The following RNF103 variants were observed in gnomAD, a reference collection of about 807,000 sequenced individuals.
RNF103 encodes the protein ring finger protein 103, also known as E3 ubiquitin-protein ligase RNF103.
Under a neutral mutation model 66.2 loss-of-function variants are expected in RNF103, and 23 were observed. The observed-to-expected ratio is 0.35, with a 90% CI of 0.25 to 0.49. RNF103 has a LOEUF of 0.49. Ranked by LOEUF, RNF103 falls within the 20% of genes least tolerant of loss-of-function variation. The pLI, the probability that RNF103 is intolerant of heterozygous loss-of-function variation, is 0.98. For synonymous variants in RNF103, 297 were observed against 289.9 expected, an observed-to-expected ratio of 1.02 and a Z score of -0.25; for missense variants, 730 against 814.7, an observed-to-expected ratio of 0.90 and a Z score of 1.27.
chr2:86,605,503 C>T, intron 3 of RNF103, 85 bp from the exon 4 acceptor site: 1 of 1,384,338 alleles, frequency 7.2e-7, no homozygotes, highest in East Asian at 2.4e-5. Context: ...AGCACCTCAC[C>T]CCAAAGCCAA....
At chr2:86,610,583 TTATA>T (rs1446123029) in intron 3 of RNF103, among the ~76,000 whole-genome samples, 7 of 152,198 alleles carry the variant, frequency 4.6e-5, no homozygotes, top group Non-Finnish European at 1.0e-4. Context: ...GCATTCAACT[TTATA>T]TATTTTTAAA....
chr2:86,623,559 G>A lies in RNF103; in HGVS notation c.-673C>T, dbSNP rs1182971285. ...GCGGCGGGCACGGCGGCGGCTCCAG[G>A]TTCGCTCGGGCCGGCTGGCGGGCGG... On this transcript the variant is annotated 5_prime_UTR_variant, in exon 1 of 4. Transcript: ENST00000237455. The A allele has an allele frequency of 2.0e-6, 2 of 994,576 alleles. No homozygotes were observed. The highest frequency in any genetic ancestry group is 1.7e-5 in the African/African-American group (1 of 57,148). The allele number at this position is 994,576 out of a possible 1,614,324, so 61.6% of individuals were successfully genotyped here.
At position 86,603,561 on chromosome 2, in the gene RNF103, G is replaced by A. The variant is rs554442784; in HGVS notation, c.*282C>T. On this transcript the variant is annotated 3_prime_UTR_variant, in exon 4 of 4. Transcript: ENST00000237455. ...TTAGAATTTGATCCTATCTTGTAAA[G>A]TCTTGCTAGGATAAATTTCTATAAT... 49 of 401,502 alleles carry A rather than the reference G, an allele frequency of 1.2e-4. 1 individual carries two copies. In the South Asian group the frequency reaches 1.8e-3, roughly 15 times the overall value. The allele number at this position is 401,502 out of a possible 1,614,324, so 24.9% of individuals were successfully genotyped here. A position where few individuals can be genotyped will look rare whatever the true frequency, so the allele number is the denominator to read the frequency against.
At chr2:86,606,639 G>A (rs1250127512) in intron 3 of RNF103, among the ~76,000 whole-genome samples, 1 of 140,604 alleles carries the variant, frequency 7.1e-6, no homozygotes, top group Non-Finnish European at 1.5e-5. Flanking sequence ...CTCCAGCCTG[G>A]GCGACAGAGC....
At chr2:86,615,520 T>TTATATATATATATATATATATATA (rs4019180) in intron 2 of RNF103, among the ~76,000 whole-genome samples, 252 of 142,174 alleles carry the variant, frequency 1.8e-3, no homozygotes, top group East Asian at 4.0e-3. Context: ...TACATATGCC[T>TTATATATATATATATATATATATA]TATATATATA....
intron 3 of RNF103, among the ~76,000 whole-genome samples, chr2:86,607,348 TG>T (rs1017381068): frequency 6.6e-5 from 10 of 152,318 alleles, no homozygotes; most frequent in South Asian, 2.1e-4. Context: ...AGCATATGGC[TG>T]TATAATGATA....
intron 3 of RNF103, among the ~76,000 whole-genome samples, chr2:86,607,648 C>T (rs149499434): frequency 7.8e-4 from 119 of 152,328 alleles, no homozygotes; most frequent in African/African-American, 2.8e-3. Flanking sequence ...GACATGAATT[C>T]TATTTTTACC....
chr2:86,617,477 T>C (rs1679064669), intron 2 of RNF103: 1 of 443,024 alleles, frequency 2.3e-6, no homozygotes, highest in African/African-American at 2.2e-5. Flanking sequence ...TTAGTTGTTG[T>C]TGTTACTGTG....
chr2:86,622,838 C>T lies in RNF103; in HGVS notation c.49G>A (p.Val17Ile), dbSNP rs370597658. ...ATGGCCTCAAAAAACCTGGCCAGGACGAACAGGACCAGGAAATAGAGGAGC... is the reference window on the plus strand; with the variant it reads ...ATGGCCTCAAAAAACCTGGCCAGGATGAACAGGACCAGGAAATAGAGGAGC... ...FLLLYFLVLFVLARFFEAIVW... is the reference protein window; with the variant it reads ...FLLLYFLVLFILARFFEAIVW... The change falls in exon 1 of 4, where the codon GTC (valine) becomes ATC (isoleucine). Residue 17 changes from valine (V) to isoleucine (I), a missense_variant. Around this residue, in one of 3 missense-constraint regions of RNF103, gnomAD observed 327 missense variants for 369.8 expected, o/e 0.88. Coordinates refer to ENST00000237455, the MANE Select transcript of RNF103 (RefSeq NM_005667.4). 3.1e-6 allele frequency: 5 copies of T among 1,613,808 alleles called. No homozygotes were observed. The South Asian group carries it at 5.5e-5, about 18-fold the overall frequency.
At chr2:86,612,404 T>C in intron 2 of RNF103, 130 bp from the exon 3 acceptor site, 2 of 596,284 alleles carry the variant, frequency 3.4e-6, no homozygotes, top group East Asian at 5.7e-5. Context: ...TACTGTATCA[T>C]CACATTATCA....
chr2:86,606,539 T>C (rs1678560828), intron 3 of RNF103, among the ~76,000 whole-genome samples: 1 of 151,650 alleles, frequency 6.6e-6, no homozygotes, highest in Non-Finnish European at 1.5e-5. Flanking sequence ...AACGCGTGCC[T>C]GTAATCCCAG....
chr2:86,603,496 A>G lies in RNF103; in HGVS notation c.*347T>C. 1 of 224,274 alleles carries G rather than the reference A, an allele frequency of 4.5e-6. No individual in the cohort carries two copies. The highest frequency in any genetic ancestry group is 8.7e-6 in the Non-Finnish European group (1 of 114,736). 13.9% of individuals were successfully genotyped at this position (224,274 alleles called of 1,614,324 possible). A position where few individuals can be genotyped will look rare whatever the true frequency, so the allele number is the denominator to read the frequency against. ...GAGGTGCTGGACAGAGATTGTAAAAAGGGAGGAAACATTTAGGATAAGAAA... is the reference window on the plus strand; with the variant it reads ...GAGGTGCTGGACAGAGATTGTAAAAGGGGAGGAAACATTTAGGATAAGAAA... On this transcript the variant is annotated 3_prime_UTR_variant, in exon 4 of 4. Transcript: ENST00000237455.
chr2:86,617,424 A>G, intron 2 of RNF103: 3 of 526,522 alleles, frequency 5.7e-6, no homozygotes, highest in Non-Finnish European at 7.3e-6. Context: ...CCACATTTAC[A>G]TAAATGTTAT....
chr2:86,617,629 G>C, intron 2 of RNF103: 1 of 981,264 alleles, frequency 1.0e-6, no homozygotes, highest in Non-Finnish European at 1.2e-6. Flanking sequence ...GGGGACTACT[G>C]TAAACAGAAA....
chr2:86,623,397 G>A lies in RNF103; in HGVS notation c.-511C>T. On this transcript the variant is annotated 5_prime_UTR_variant, in exon 1 of 4. Coordinates refer to ENST00000237455, the MANE Select transcript of RNF103 (RefSeq NM_005667.4). ...GTGGGGGCCGGACTCCCGCGGCCGCGGGTCAGGAGGGCGCGGCGCTCGGCC... is the reference window on the plus strand; with the variant it reads ...GTGGGGGCCGGACTCCCGCGGCCGCAGGTCAGGAGGGCGCGGCGCTCGGCC... 1 of 979,456 alleles carries A rather than the reference G, an allele frequency of 1.0e-6. No individual in the cohort carries two copies. The highest frequency in any genetic ancestry group is 1.2e-6 in the Non-Finnish European group (1 of 826,202). 60.7% of individuals were successfully genotyped at this position (979,456 alleles called of 1,614,324 possible).
Position 86,604,152 on chromosome 2 carries a change from A to G in RNF103, c.1749T>C (p.Cys583=). 1 of 1,613,460 alleles carries G rather than the reference A, an allele frequency of 6.2e-7. No homozygotes were observed. The highest frequency in any genetic ancestry group is 8.5e-7 in the Non-Finnish European group (1 of 1,180,032). ...CCTTCCTTTCACATGGGCTGGTCTG[A>G]CAATATTTATTGGCACATGAACAAG... The part of the protein sequence containing the change: ...AEACSCANKY[C]QTSPCERKGR... The change falls in exon 4 of 4, where the codon TGT becomes TGC. Residue 583 remains cysteine, a synonymous_variant. Transcript: ENST00000237455.
At position 86,623,256 on chromosome 2, in the gene RNF103, G is replaced by A. The variant is rs1679304494; in HGVS notation, c.-370C>T. On this transcript the variant is annotated 5_prime_UTR_variant, in exon 1 of 4. Transcript: ENST00000237455. ...TTCCCCCGGGGCGGGCACTGACCCA[G>A]GTGGCGGGGTCGGCCCTCCGGTGCC... 1 of 1,001,808 alleles carries A rather than the reference G, an allele frequency of 1.0e-6. No individual in the cohort carries two copies. Among genetic ancestry groups the A allele is most frequent in the Non-Finnish European group, 1.2e-6 (1 of 842,124 alleles). The allele number at this position is 1,001,808 out of a possible 1,614,324, so 62.1% of individuals were successfully genotyped here.
intron 2 of RNF103, among the ~76,000 whole-genome samples, chr2:86,619,357 G>A (rs1573369831): frequency 6.6e-6 from 1 of 152,120 alleles, no homozygotes; most frequent in Non-Finnish European, 1.5e-5. Context: ...CCACTCCAGT[G>A]TGAAATGATA....
intron 2 of RNF103, chr2:86,613,074 A>G (rs1314231504): frequency 6.6e-6 from 1 of 152,282 alleles, no homozygotes; most frequent in Non-Finnish European, 1.5e-5. Flanking sequence ...AGCCTGGCCA[A>G]CATGGCAAAA....
Sources: allele counts gnomAD v4.1 joint callset (sites outside exome capture counted in the v4.1 genomes callset), GRCh38; gene constraint gnomAD v4.1.1; regional missense constraint gnomAD v4.1.1; transcripts MANE v1.5; gene names NCBI Gene and HGNC (gene_info 2026-07-23, HGNC 2026-07-21).